The following SLC25A43 variants were observed in gnomAD, a reference collection of about 807,000 sequenced individuals.
SLC25A43 encodes solute carrier family 25, member 43.
SLC25A43 carries 10 observed loss-of-function variants against 22.8 expected under a neutral mutation model. The observed-to-expected ratio is 0.44, with a 90% CI of 0.27 to 0.74. SLC25A43 has a LOEUF of 0.74. Among genes scored for constraint, SLC25A43 ranks in the 30% least tolerant of loss-of-function variants. The pLI is 0.17. For synonymous variants in SLC25A43, 106 were observed against 121.6 expected (o/e 0.87, Z 0.84); for missense variants, 233 against 279.1 (o/e 0.83, Z 1.18).
chrX:119,425,934 G>A (rs996736954), intron 3 of SLC25A43, among the ~76,000 whole-genome samples: 3 of 111,408 alleles, frequency 2.7e-5, no homozygotes, highest in Non-Finnish European at 5.7e-5. Flanking sequence ...CCTTGGAAGA[G>A]ATAAAGATCT....
In SLC25A43 at chrX:119,410,368, G is replaced by A. The variant is rs1351087361; in HGVS notation, c.690+6G>A. 8.3e-7 allele frequency: 1 copy of A among 1,210,078 alleles called. No individual in the cohort carries two copies. Among genetic ancestry groups the A allele is most frequent in the East Asian group, 3.0e-5 (1 of 33,830 alleles). On this transcript the variant is annotated splice_donor_region_variant and intron_variant, in intron 3 of 4. Coordinates refer to ENST00000217909, the MANE Select transcript of SLC25A43 (RefSeq NM_145305.3). ...CCGTGAAGAGAAAGATGCAGGTGAG[G>A]AGTTATCAGAGTGGGGTAGGGGGTG...
At chrX:119,418,449 G>A (rs6603506) in intron 3 of SLC25A43, among the ~76,000 whole-genome samples, 6,059 of 111,508 alleles carry the variant, frequency 0.054, 161 homozygotes, top group South Asian at 0.11. Flanking sequence ...TGGATAACGA[G>A]CTACACAGGG....
At chrX:119,410,123 G>A in intron 2 of SLC25A43, 67 bp from the exon 3 acceptor site, 1 of 1,128,437 alleles carries the variant, frequency 8.9e-7, no homozygotes, top group Non-Finnish European at 1.2e-6. Context: ...ATCCCCCCAG[G>A]AATTTATGTT....
intron 3 of SLC25A43, among the ~76,000 whole-genome samples, chrX:119,450,657 G>A (rs1297021061): frequency 9.0e-6 from 1 of 111,438 alleles, no homozygotes; most frequent in Non-Finnish European, 1.9e-5. Flanking sequence ...CTCCCACATC[G>A]ATAATCTTGG....
At chrX:119,399,757 CTGCCTGGACTCGG>C in intron 1 of SLC25A43, 79 bp downstream of exon 1, 1 of 945,525 alleles carries the variant, frequency 1.1e-6, no homozygotes. Context: ...CGCCGCCCTG[CTGCCTGGACTCGG>C]GGCCCTGGAG....
intron 2 of SLC25A43, 32 bp from the exon 3 acceptor site, chrX:119,410,158 A>G: frequency 8.3e-7 from 1 of 1,201,701 alleles, no homozygotes; most frequent in South Asian, 1.8e-5. Context: ...TTCCCAAGAC[A>G]GCAGCAGCTT....
chrX:119,410,089 C>G, intron 2 of SLC25A43, 101 bp from the exon 3 acceptor site: 1 of 936,475 alleles, frequency 1.1e-6, no homozygotes, highest in South Asian at 2.2e-5. Flanking sequence ...AACCCCAGAG[C>G]CCCTCCTGTT....
rs199944645 is a variant in SLC25A43 at position 119,453,006 on chromosome X, C to T, written c.967C>T (p.Arg323Ter). 5.8e-6 allele frequency: 7 copies of T among 1,209,379 alleles called. No individual in the cohort carries two copies. The highest frequency in any genetic ancestry group is 7.8e-6 in the Non-Finnish European group (7 of 895,070). Residue 323 changes from arginine (R) to a stop codon, truncating the protein, a stop_gained, in exon 5 of 5, where the codon CGA (arginine) becomes TGA (stop). Transcript: ENST00000217909. LOFTEE classifies it high-confidence loss of function. ...VDQSLQPQEL[R>*]ELKKFFKTRK... ...TCAGAGTTTGCAGCCCCAGGAATTA[C>T]GAGAATTAAAGAAGTTCTTCAAAAC...
chrX:119,417,596 A>G (rs1323646916), intron 3 of SLC25A43, among the ~76,000 whole-genome samples: 2 of 110,804 alleles, frequency 1.8e-5, no homozygotes, highest in Non-Finnish European at 3.8e-5. Context: ...ATTCTACACC[A>G]TCTGCATTCT....
intron 3 of SLC25A43, among the ~76,000 whole-genome samples, chrX:119,411,382 C>A (rs1352053152): frequency 1.8e-5 from 2 of 109,906 alleles, no homozygotes; most frequent in African/African-American, 6.7e-5. Context: ...TGCCTGTAAT[C>A]CCAGCTACTC....
intron 3 of SLC25A43, among the ~76,000 whole-genome samples, chrX:119,442,174 A>G (rs1237752420): frequency 1.8e-5 from 2 of 112,492 alleles, no homozygotes; most frequent in Non-Finnish European, 1.9e-5. Flanking sequence ...CTGCTGCAAC[A>G]ATCCACATGC....
chrX:119,410,277 C>T lies in SLC25A43; in HGVS notation c.605C>T (p.Pro202Leu), dbSNP rs1426013845. ...WNGPRDQFSL[P>L]QNFANVCLAA... ...GGACCCCGAGATCAGTTCTCTCTCC[C>T]ACAGAACTTTGCTAATGTCTGTCTG... is the stretch of plus-strand genomic sequence containing the variant. Residue 202 changes from proline to leucine, a missense_variant, in exon 3 of 5, where the codon CCA becomes CTA. By Grantham distance (98) the Pro-to-Leu change is moderately conservative. Transcript: ENST00000217909. 5 of 1,210,103 alleles carry T rather than the reference C, an allele frequency of 4.1e-6. No individual in the cohort carries two copies. In the South Asian group the frequency reaches 7.0e-5, roughly 17 times the overall value.
At chrX:119,406,064 G>A (rs1347644257) in intron 1 of SLC25A43, among the ~76,000 whole-genome samples, 1 of 111,113 alleles carries the variant, frequency 9.0e-6, no homozygotes, top group East Asian at 2.8e-4. Context: ...TGAGATGCTC[G>A]AAGTTATCAT....
At chrX:119,443,113 TCTC>T (rs1245168671) in intron 3 of SLC25A43, among the ~76,000 whole-genome samples, 13 of 74,680 alleles carry the variant, frequency 1.7e-4, no homozygotes, top group African/African-American at 6.3e-4. Context: ...TCCCATTCTC[TCTC>T]TTTTTTTTTT....
At chrX:119,409,900 G>C (rs944681166) in intron 2 of SLC25A43, among the ~76,000 whole-genome samples, 4 of 112,540 alleles carry the variant, frequency 3.6e-5, no homozygotes, top group African/African-American at 1.3e-4. Flanking sequence ...ACAGGCATGA[G>C]CCACCACGCC....
chrX:119,452,352 G>A (rs1188405793), intron 4 of SLC25A43, among the ~76,000 whole-genome samples: 1 of 111,064 alleles, frequency 9.0e-6, no homozygotes, highest in Admixed American at 9.6e-5. Flanking sequence ...CATTCCAGAG[G>A]AGCTGAGCAT....
intron 3 of SLC25A43, chrX:119,422,802 C>G: frequency 8.9e-6 from 1 of 112,259 alleles, no homozygotes; most frequent in Non-Finnish European, 1.9e-5. Context: ...CCCTAGCAAT[C>G]AGGTTCTATG....
chrX:119,451,832 G>A lies in SLC25A43; in HGVS notation c.691-177G>A, dbSNP rs113806249. The A allele has an allele frequency of 3.6e-3, 3,840 of 1,074,827 alleles. 86 individuals carry two copies. The African/African-American group carries it at 0.061, about 17-fold the overall frequency. The allele number at this position is 1,074,827 out of a possible 1,213,427, so 88.6% of individuals were successfully genotyped here. A position where few individuals can be genotyped will look rare whatever the true frequency, so the allele number is the denominator to read the frequency against. On this transcript the variant is annotated intron_variant, in intron 3 of 4. Coordinates refer to ENST00000217909, the MANE Select transcript of SLC25A43 (RefSeq NM_145305.3). ...ACAGGGTATCATGATTGTATTGCAC[G>A]TTAATATCTGTTCTAAGCCCACAGA...
intron 3 of SLC25A43, among the ~76,000 whole-genome samples, chrX:119,414,128 C>G (rs1358994750): frequency 8.9e-6 from 1 of 111,900 alleles, no homozygotes; most frequent in Non-Finnish European, 1.9e-5. Context: ...TCATTATGAA[C>G]CTAATAGCTG....
Sources: gnomAD v4.1 joint callset for allele counts (sites outside exome capture counted in the v4.1 genomes callset) on GRCh38, gnomAD v4.1.1 for gene constraint, MANE v1.5 for transcripts, NCBI Gene and HGNC (gene_info 2026-07-23, HGNC 2026-07-21) for gene names.